Variants in TLK1 observed in about 807,000 individuals in gnomAD.
The protein encoded by TLK1 is serine/threonine-protein kinase tousled-like 1.
A neutral mutation model predicts 105.3 loss-of-function variants in TLK1; 24 were observed. That is an observed-to-expected ratio of 0.23 (90% CI 0.17 to 0.32). The LOEUF (loss-of-function observed/expected upper bound fraction) is 0.32, where lower values mean the gene tolerates loss of function less well. Ranked by LOEUF, TLK1 falls within the 10% of genes least tolerant of loss-of-function variation. The probability of loss-of-function intolerance (pLI) is 1.00; values close to 1 mark genes in which losing one functional copy is unlikely to be tolerated. For synonymous variants in TLK1, 321 were observed against 310.4 expected (o/e 1.03, Z -0.36); for missense variants, 558 against 910.5 (o/e 0.61, Z 4.98).
chr2:171,084,507 C>T (rs1419175734), intron 2 of TLK1, among the ~76,000 whole-genome samples: 1 of 152,154 alleles, frequency 6.6e-6, no homozygotes, highest in Non-Finnish European at 1.5e-5. Flanking sequence ...AGTTTTGAAG[C>T]GTGCCTAAAA....
At chr2:171,179,399 A>G (rs919678512) in intron 1 of TLK1, among the ~76,000 whole-genome samples, 1 of 152,186 alleles carries the variant, frequency 6.6e-6, no homozygotes, top group Admixed American at 6.5e-5. Context: ...AAGAGAAGAA[A>G]AAAGTTAGAG....
chr2:171,103,264 T>TTTTATATATATATATATATATATA (rs1689768734), intron 2 of TLK1, among the ~76,000 whole-genome samples: 1 of 136,466 alleles, frequency 7.3e-6, no homozygotes, highest in Admixed American at 7.2e-5. Flanking sequence ...GATCTCAAAT[T>TTTTATATATATATATATATATATA]TATATATATA....
At chr2:171,066,861 TC>T in intron 3 of TLK1, 1 of 1,552,286 alleles carries the variant, frequency 6.4e-7, no homozygotes, top group Middle Eastern at 1.9e-4. Flanking sequence ...AGTTTTCAAA[TC>T]ATACAAGAAT....
intron 12 of TLK1, among the ~76,000 whole-genome samples, chr2:171,019,730 A>C (rs1353364912): frequency 1.3e-5 from 2 of 152,182 alleles, no homozygotes; most frequent in African/African-American, 2.4e-5. Context: ...CACCGTAACA[A>C]CACTACTTGA....
intron 2 of TLK1, among the ~76,000 whole-genome samples, chr2:171,104,820 C>T (rs1393010695): frequency 6.6e-6 from 1 of 152,088 alleles, no homozygotes; most frequent in Non-Finnish European, 1.5e-5. Flanking sequence ...AATGCTACTA[C>T]TTTTTGTATG....
intron 2 of TLK1, among the ~76,000 whole-genome samples, chr2:171,112,272 A>G (rs568787847): frequency 6.6e-6 from 1 of 152,194 alleles, no homozygotes; most frequent in Non-Finnish European, 1.5e-5. Context: ...TTTAAATAGT[A>G]TATCATATCA....
chr2:171,078,895 C>A (rs918226995), intron 3 of TLK1, among the ~76,000 whole-genome samples: 6 of 152,198 alleles, frequency 3.9e-5, no homozygotes, highest in African/African-American at 1.4e-4. Context: ...TCTGTGGGAG[C>A]CTTTCACCTC....
intron 7 of TLK1, 21 bp downstream of exon 7, chr2:171,055,062 A>C (rs371236055): frequency 2.8e-5 from 39 of 1,390,574 alleles, no homozygotes; most frequent in Admixed American, 5.5e-5. Context: ...CATAGAAAAA[A>C]ACATTTTAAT....
chr2:171,020,829 T>C (rs1685463347), intron 12 of TLK1, among the ~76,000 whole-genome samples: 1 of 145,270 alleles, frequency 6.9e-6, no homozygotes, highest in Non-Finnish European at 1.5e-5. Flanking sequence ...TTGTGTAGAT[T>C]GGGGAGAAGG....
chr2:171,207,508 A>G (rs954212234), intron 1 of TLK1, among the ~76,000 whole-genome samples: 1 of 152,154 alleles, frequency 6.6e-6, no homozygotes, highest in African/African-American at 2.4e-5. Context: ...CCTAATACAA[A>G]CAATGGACTT....
intron 2 of TLK1, among the ~76,000 whole-genome samples, chr2:171,105,602 C>T (rs1476202061): frequency 1.3e-5 from 2 of 152,114 alleles, no homozygotes; most frequent in African/African-American, 4.8e-5. Flanking sequence ...AGGAGAATCA[C>T]TTGAAACCAG....
rs1432156995 is a variant in TLK1 at position 171,094,908 on chromosome 2, T to G, written c.259-12056A>C. Among the ~76,000 whole-genome samples the G allele has an allele frequency of 2.0e-5, 3 of 152,202 alleles. No individual in the cohort carries two copies. The East Asian group carries it at 5.8e-4, about 29-fold the overall frequency. On this transcript the variant is annotated intron_variant, in intron 2 of 20. Coordinates refer to ENST00000431350, the MANE Select transcript of TLK1 (RefSeq NM_012290.5). ...CAGGTGTGAGCCACTGCGCCTGGCC[T>G]CAAACTAAATTTTCTAAAGGGGGAG...
intron 3 of TLK1, among the ~76,000 whole-genome samples, chr2:171,064,300 T>C (rs1687890910): frequency 6.6e-6 from 1 of 152,176 alleles, no homozygotes; most frequent in African/African-American, 2.4e-5. Context: ...ATATCCTATG[T>C]TACCTCTACC....
chr2:171,061,555 T>C (rs1234431537), intron 3 of TLK1, among the ~76,000 whole-genome samples: 9 of 152,320 alleles, frequency 5.9e-5, no homozygotes, highest in African/African-American at 2.2e-4. Context: ...ATACTTAGTG[T>C]ATAAAAGTAA....
chr2:171,143,108 T>G (rs1027763040), intron 1 of TLK1, among the ~76,000 whole-genome samples: 1 of 152,156 alleles, frequency 6.6e-6, no homozygotes. Context: ...AAGGAATGAA[T>G]GAATGAATGC....
chr2:171,113,287 T>TG (rs1191598567), intron 2 of TLK1, among the ~76,000 whole-genome samples: 1 of 151,660 alleles, frequency 6.6e-6, no homozygotes, highest in Admixed American at 6.6e-5. Flanking sequence ...TTTTTTTTTT[T>TG]GAGACAGTGT....
chr2:171,111,530 A>G (rs964632263), intron 2 of TLK1, among the ~76,000 whole-genome samples: 17 of 151,140 alleles, frequency 1.1e-4, no homozygotes, highest in Middle Eastern at 3.2e-3. Flanking sequence ...GGTTGCAGTG[A>G]GCCGAGATCA....
At chr2:171,041,064 T>C (rs945106137) in intron 11 of TLK1, among the ~76,000 whole-genome samples, 1 of 152,190 alleles carries the variant, frequency 6.6e-6, no homozygotes, top group Non-Finnish European at 1.5e-5. Flanking sequence ...GTAAAAATCT[T>C]GGTTAAAATG....
At chr2:171,209,003 A>G (rs1389840354) in intron 1 of TLK1, among the ~76,000 whole-genome samples, 3 of 152,242 alleles carry the variant, frequency 2.0e-5, no homozygotes, top group Non-Finnish European at 4.4e-5. Flanking sequence ...ACACTGGTTA[A>G]GTAAACCATG....
Sources: gnomAD v4.1 joint callset for allele counts (sites outside exome capture counted in the v4.1 genomes callset) on GRCh38, gnomAD v4.1.1 for gene constraint, MANE v1.5 for transcripts, NCBI Gene and HGNC (gene_info 2026-07-23, HGNC 2026-07-21) for gene names.